Variants in CANT1 observed in about 807,000 individuals in gnomAD.
CANT1 encodes the protein soluble calcium-activated nucleotidase 1.
CANT1 carries 26 observed loss-of-function variants against 30.0 expected under a neutral mutation model. The ratio of observed to expected loss-of-function variants is 0.87; its 90% CI spans 0.64 to 1.20. CANT1 has a LOEUF of 1.20. CANT1 is among the 50% of genes most tolerant of loss of function. The probability of loss-of-function intolerance (pLI) is 0.00; values close to 1 mark genes in which losing one functional copy is unlikely to be tolerated. For synonymous variants in CANT1, 246 were observed against 251.8 expected (o/e 0.98, Z 0.22); for missense variants, 518 against 563.0 (o/e 0.92, Z 0.81).
rs756136551 is a variant in CANT1 at position 78,992,768 on chromosome 17, C to G, written c.*782G>C. The G allele has an allele frequency of 1.7e-6, 1 of 585,372 alleles. No homozygotes were observed. The highest frequency in any genetic ancestry group is 1.8e-5 in the African/African-American group (1 of 55,316). 36.3% of individuals were successfully genotyped at this position (585,372 alleles called of 1,614,324 possible). A position where few individuals can be genotyped will look rare whatever the true frequency, so the allele number is the denominator to read the frequency against. ...CTTACAATCTCCCGCACTGCTGGAG[C>G]GGGCTGGGTAACTACAGGACTGTGC... On this transcript the variant is annotated 3_prime_UTR_variant, in exon 5 of 5. Transcript: ENST00000392446.
Position 78,993,980 on chromosome 17 carries a change from C to T in CANT1, c.836-60G>A. ...GCGGCCTGGTGTGCCCAGCCCCACA[C>T]CATCAGGCCGTGCGCAGTAGCAGGC... On this transcript the variant is annotated intron_variant, in intron 4 of 4. Transcript: ENST00000392446. This position sits in a 1 kb window ranked among gnomAD's most constrained non-coding sequence, Gnocchi z 4.5. 12 of 1,519,824 alleles carry T rather than the reference C, an allele frequency of 7.9e-6. No individual in the cohort carries two copies. Among genetic ancestry groups the T allele is most frequent in the Non-Finnish European group, 1.1e-5 (12 of 1,138,048 alleles). The allele number at this position is 1,519,824 out of a possible 1,614,324, so 94.1% of individuals were successfully genotyped here.
At position 79,002,236 on chromosome 17, in the gene CANT1, C is replaced by T. The variant is rs773636572; in HGVS notation, c.-146-4273G>A. On this transcript the variant is annotated intron_variant, in intron 1 of 4. Coordinates refer to ENST00000392446, the MANE Select transcript of CANT1 (RefSeq NM_001159773.2). The surrounding 1 kb of genome is among the most constrained non-coding windows in gnomAD (Gnocchi z 4.0). ...TTCTTCCAATGTGGCCCAGGGAAGC[C>T]AAAAGATTGGACACCCCTGATATAG... 3.3e-5 allele frequency among the ~76,000 whole-genome samples: 5 copies of T among 152,110 alleles called. No homozygotes were observed. Among genetic ancestry groups the T allele is most frequent in the African/African-American group, 7.2e-5 (3 of 41,408 alleles).
intron 4 of CANT1, among the ~76,000 whole-genome samples, chr17:78,994,719 T>C (rs1042344915): frequency 9.9e-5 from 15 of 152,124 alleles, no homozygotes; most frequent in Admixed American, 9.8e-4. Flanking sequence ...AGTCAGGAGT[T>C]CGAGACCATC....
At chr17:78,999,968 A>C (rs950460039) in intron 1 of CANT1, 1 of 150,906 alleles carries the variant, frequency 6.6e-6, no homozygotes, top group African/African-American at 2.4e-5. Flanking sequence ...CTAATTTTTA[A>C]TTTTTTTTAT....
In CANT1 at chr17:78,996,914, A is replaced by G. The variant is rs1186712414; in HGVS notation, c.631+78T>C. The G allele has an allele frequency of 6.3e-7, 1 of 1,582,298 alleles. No homozygotes were observed. Among genetic ancestry groups the G allele is most frequent in the South Asian group, 1.1e-5 (1 of 90,306 alleles). ...CTTCTAGGTGTGTGAATTCTTTACCATGTGCCTGTGTTTGCCAGCCAGGCC... is the reference window on the plus strand; with the variant it reads ...CTTCTAGGTGTGTGAATTCTTTACCGTGTGCCTGTGTTTGCCAGCCAGGCC... On this transcript the variant is annotated intron_variant, in intron 3 of 4. Transcript: ENST00000392446. This position sits in a 1 kb window ranked among gnomAD's most constrained non-coding sequence, Gnocchi z 5.1.
chr17:78,999,642 A>ATTT (rs35755919), intron 1 of CANT1, among the ~76,000 whole-genome samples: 5,350 of 97,326 alleles, frequency 0.055, 494 homozygotes, highest in East Asian at 0.21. Context: ...CGCACAGCGA[A>ATTT]TTTTTTTTTT....
intron 1 of CANT1, among the ~76,000 whole-genome samples, chr17:79,007,825 A>ATAACCCCTT (rs2145860835): frequency 6.6e-6 from 1 of 152,342 alleles, no homozygotes; most frequent in African/African-American, 2.4e-5. Context: ...GCCTAAGGGG[A>ATAACCCCTT]AGAAAGGAGA....
Position 78,996,484 on chromosome 17 carries a change from G to A in CANT1, c.631+508C>T, listed in dbSNP as rs1211581093. On this transcript the variant is annotated intron_variant, in intron 3 of 4. Coordinates refer to ENST00000392446, the MANE Select transcript of CANT1 (RefSeq NM_001159773.2). This position sits in a 1 kb window ranked among gnomAD's most constrained non-coding sequence, Gnocchi z 5.1. The stretch of plus-strand genomic sequence containing the variant: ...TGGCATCAGGCTCCACTCCAGGGGG[G>A]TTGGCACAGCTCACACATGCCCTCC... 1.3e-5 allele frequency among the ~76,000 whole-genome samples: 2 copies of A among 152,186 alleles called. No individual in the cohort carries two copies. The highest frequency in any genetic ancestry group is 2.9e-5 in the Non-Finnish European group (2 of 68,022).
At position 79,001,756 on chromosome 17, in the gene CANT1, C is replaced by T. The variant is rs146317663; in HGVS notation, c.-146-3793G>A. Among the ~76,000 whole-genome samples, 882 of 152,248 alleles carry T rather than the reference C, an allele frequency of 5.8e-3. 5 individuals carry two copies. The highest frequency in any genetic ancestry group is 0.03 in the East Asian group (157 of 5,182). ...GGGCCTCCTCCCAGGCAGGTCTTCT[C>T]GGCCCCCACTGCTGGCAGCCCACTG... On this transcript the variant is annotated intron_variant, in intron 1 of 4. Transcript: ENST00000392446.
chr17:78,993,390 G>T lies in CANT1; in HGVS notation c.*160C>A. On this transcript the variant is annotated 3_prime_UTR_variant, in exon 5 of 5. Coordinates refer to ENST00000392446, the MANE Select transcript of CANT1 (RefSeq NM_001159773.2). This position sits in a 1 kb window ranked among gnomAD's most constrained non-coding sequence, Gnocchi z 4.5. The stretch of plus-strand genomic sequence containing the variant: ...ACCGCGGCCTCCGTGGGGCCCGGGG[G>T]TCCAGTGCCCGCACCACTATGGGGC... The T allele has an allele frequency of 9.7e-7, 1 of 1,036,062 alleles. No homozygotes were observed. 64.2% of individuals were successfully genotyped at this position (1,036,062 alleles called of 1,614,324 possible).
At position 78,993,187 on chromosome 17, in the gene CANT1, G is replaced by C; in HGVS notation, c.*363C>G. ...CTCATGCTCACTGCGTTCTCAGGGTGAGGCATAGGGCCTGACATATGGTAG... is the reference window on the plus strand; with the variant it reads ...CTCATGCTCACTGCGTTCTCAGGGTCAGGCATAGGGCCTGACATATGGTAG... On this transcript the variant is annotated 3_prime_UTR_variant, in exon 5 of 5. Transcript: ENST00000392446. This position sits in a 1 kb window ranked among gnomAD's most constrained non-coding sequence, Gnocchi z 4.5. The C allele has an allele frequency of 2.6e-6, 1 of 391,864 alleles. No individual in the cohort carries two copies. The highest frequency in any genetic ancestry group is 4.7e-6 in the Non-Finnish European group (1 of 210,962). 24.3% of individuals were successfully genotyped at this position (391,864 alleles called of 1,614,324 possible).
chr17:78,992,346 A>T lies in CANT1; in HGVS notation c.*1204T>A. ...GTGAGGGTGGGGGTCGGGGTGAGGT[A>T]GTGCTGTGGGGAGGGCACTGTGAAT... On this transcript the variant is annotated 3_prime_UTR_variant, in exon 5 of 5. Coordinates refer to ENST00000392446, the MANE Select transcript of CANT1 (RefSeq NM_001159773.2). 3.9e-6 allele frequency: 1 copy of T among 255,010 alleles called. No individual in the cohort carries two copies. Among genetic ancestry groups the T allele is most frequent in the Admixed American group, 5.0e-5 (1 of 19,834 alleles). 15.8% of individuals were successfully genotyped at this position (255,010 alleles called of 1,614,324 possible). A position where few individuals can be genotyped will look rare whatever the true frequency, so the allele number is the denominator to read the frequency against.
At position 79,002,790 on chromosome 17, in the gene CANT1, C is replaced by T. The variant is rs1006094936; in HGVS notation, c.-146-4827G>A. Among the ~76,000 whole-genome samples, 4 of 152,238 alleles carry T rather than the reference C, an allele frequency of 2.6e-5. No homozygotes were observed. Among genetic ancestry groups the T allele is most frequent in the African/African-American group, 4.8e-5 (2 of 41,464 alleles). On this transcript the variant is annotated intron_variant, in intron 1 of 4. Coordinates refer to ENST00000392446, the MANE Select transcript of CANT1 (RefSeq NM_001159773.2). The surrounding 1 kb of genome is among the most constrained non-coding windows in gnomAD (Gnocchi z 4.0). ...AAGTCTAGTAGATCCCAATGCCTTCCATCTGAAGGACAAACGTCTCAGCCT... is the reference window on the plus strand; with the variant it reads ...AAGTCTAGTAGATCCCAATGCCTTCTATCTGAAGGACAAACGTCTCAGCCT...
In CANT1 at chr17:78,997,452, C is replaced by T; in HGVS notation, c.171G>A (p.Trp57Ter). The change falls in exon 3 of 5, where the codon TGG (tryptophan) becomes TGA (stop). Residue 57 changes from tryptophan (W) to a stop codon, truncating the protein, a stop_gained. Transcript: ENST00000392446. LOFTEE classifies it high-confidence loss of function. This position sits in a 1 kb window ranked among gnomAD's most constrained non-coding sequence, Gnocchi z 7.5. Reference sequence around the variant, plus strand: ...GGGCCGGGCGGTGGGAGCAGAGCAGCCAGAGGATGGCAGCACCCACAAAGA... The same window carrying T: ...GGGCCGGGCGGTGGGAGCAGAGCAGTCAGAGGATGGCAGCACCCACAAAGA... ...LTFFVGAAIL[W>*]LLCSHRPAPG... 6.2e-7 allele frequency: 1 copy of T among 1,601,132 alleles called. No individual in the cohort carries two copies. Among genetic ancestry groups the T allele is most frequent in the Non-Finnish European group, 8.5e-7 (1 of 1,171,554 alleles).
chr17:79,005,343 C>G (rs2071511949), intron 1 of CANT1: 1 of 152,180 alleles, frequency 6.6e-6, no homozygotes, highest in South Asian at 2.1e-4. Context: ...GCTGCCCTTT[C>G]CCAGGAGAAG....
rs372851650 is a variant in CANT1, at chr17:78,993,820, G to T, written c.936C>A (p.Asp312Glu). 1 of 1,606,640 alleles carries T rather than the reference G, an allele frequency of 6.2e-7. No homozygotes were observed. The highest frequency in any genetic ancestry group is 8.5e-7 in the Non-Finnish European group (1 of 1,177,348). ...GCAGCAGGTTGGCGCCCTTGCGCTC[G>T]TCGTCCTTCTCGCTGTAGCGCTCCT... Reference protein sequence around the residue: ...ASQERYSEKDDERKGANLLLS... With the variant: ...ASQERYSEKDEERKGANLLLS... Residue 312 changes from aspartate (D) to glutamate (E), a missense_variant, in exon 5 of 5, where the codon GAC (aspartate) becomes GAA (glutamate). Around this residue, in one of 3 missense-constraint regions of CANT1, gnomAD observed 221 missense variants for 211.8 expected, o/e 1.04. Coordinates refer to ENST00000392446, the MANE Select transcript of CANT1 (RefSeq NM_001159773.2). This position sits in a 1 kb window ranked among gnomAD's most constrained non-coding sequence, Gnocchi z 4.5.
intron 1 of CANT1, chr17:79,000,210 G>A (rs2071204864): frequency 6.6e-6 from 1 of 152,162 alleles, no homozygotes; most frequent in Non-Finnish European, 1.5e-5. Context: ...GGTGACGGGT[G>A]GCCACCGTGT....
intron 1 of CANT1, among the ~76,000 whole-genome samples, chr17:79,000,609 G>A (rs1282976237): frequency 6.6e-6 from 1 of 152,106 alleles, no homozygotes; most frequent in African/African-American, 2.4e-5. Flanking sequence ...AACCCACTCT[G>A]CTCCCGCTCA....
In CANT1 at chr17:79,008,591, G is replaced by T. The variant is rs2071632933; in HGVS notation, c.-147+1073C>A. On this transcript the variant is annotated intron_variant, in intron 1 of 4. Coordinates refer to ENST00000392446, the MANE Select transcript of CANT1 (RefSeq NM_001159773.2). This position sits in a 1 kb window ranked among gnomAD's most constrained non-coding sequence, Gnocchi z 4.4. ...AATGGAGCTGGGACACTAAGAGACG[G>T]CTTTTCCAGGGGTCACTAAGGGGGA... Among the ~76,000 whole-genome samples the T allele has an allele frequency of 6.6e-6, 1 of 152,210 alleles. No individual in the cohort carries two copies. The highest frequency in any genetic ancestry group is 1.5e-5 in the Non-Finnish European group (1 of 68,034).
Sources: allele counts gnomAD v4.1 joint callset (sites outside exome capture counted in the v4.1 genomes callset), GRCh38; gene constraint gnomAD v4.1.1; regional missense constraint gnomAD v4.1.1; non-coding constraint Gnocchi (gnomAD v3.1); transcripts MANE v1.5; gene names NCBI Gene and HGNC (gene_info 2026-07-23, HGNC 2026-07-21).